Variants in TRNT1 observed in about 807,000 individuals in gnomAD.
TRNT1 encodes CCA tRNA nucleotidyltransferase 1, mitochondrial.
TRNT1 carries 44 observed loss-of-function variants against 45.6 expected under a neutral mutation model. The observed-to-expected ratio is 0.97, with a 90% CI of 0.76 to 1.24. The LOEUF (loss-of-function observed/expected upper bound fraction) is 1.24. Among genes scored for constraint, TRNT1 ranks in the 50% most tolerant of loss-of-function variants. The pLI, the probability that TRNT1 is intolerant of heterozygous loss-of-function variation, is 0.00. For missense variants in TRNT1, 633 were observed against 504.4 expected (o/e 1.25, Z -2.44); for synonymous variants, 201 against 171.4 (o/e 1.17, Z -1.35).
Position 3,147,930 on chromosome 3 carries a change from C to T in TRNT1, c.1081C>T (p.Arg361Cys), listed in dbSNP as rs770721227. 28 of 1,613,354 alleles carry T rather than the reference C, an allele frequency of 1.7e-5. No homozygotes were observed. In the Admixed American group the frequency reaches 2.0e-4, roughly 12 times the overall value. Reference sequence around the variant, plus strand: ...GTCTAGGGAACCTGATGCAACTACTCGTGTATGTGAACTACTGAAGTACCA... The same window carrying T: ...GTCTAGGGAACCTGATGCAACTACTTGTGTATGTGAACTACTGAAGTACCA... Reference protein sequence around the residue: ...IDSREPDATTRVCELLKYQGE... With the variant: ...IDSREPDATTCVCELLKYQGE... The change falls in exon 8 of 8, where the codon CGT (arginine) becomes TGT (cysteine). Residue 361 changes from arginine (R) to cysteine (C), a missense_variant. By Grantham distance (180) the Arg-to-Cys change is radical. Coordinates refer to ENST00000251607, the MANE Select transcript of TRNT1 (RefSeq NM_182916.3).
intron 7 of TRNT1, 88 bp from the exon 8 acceptor site, chr3:3,147,817 AT>A: frequency 6.6e-7 from 1 of 1,524,240 alleles, no homozygotes; most frequent in Non-Finnish European, 8.8e-7. Context: ...AAATGAAAAA[AT>A]TTATGTTGAG....
intron 4 of TRNT1, among the ~76,000 whole-genome samples, chr3:3,143,731 A>T (rs958345297): frequency 2.0e-5 from 3 of 152,154 alleles, no homozygotes; most frequent in East Asian, 3.9e-4. Context: ...TACAAAAATT[A>T]GCTGTGTGTA....
intron 4 of TRNT1, among the ~76,000 whole-genome samples, chr3:3,143,562 C>G (rs1705794498): frequency 6.6e-6 from 1 of 152,170 alleles, no homozygotes; most frequent in Admixed American, 6.5e-5. Context: ...CGTTGCCGAT[C>G]TGAAAGACGC....
chr3:3,140,664 A>G lies in TRNT1; in HGVS notation c.481+16A>G, dbSNP rs1705593407. ...ATGTTTTTAGGTAATATTTGCAGATAAAACCATATTGTGAGTCTATCAGAA... is the reference window on the plus strand; with the variant it reads ...ATGTTTTTAGGTAATATTTGCAGATGAAACCATATTGTGAGTCTATCAGAA... On this transcript the variant is annotated intron_variant, in intron 4 of 7. Coordinates refer to ENST00000251607, the MANE Select transcript of TRNT1 (RefSeq NM_182916.3). The G allele has an allele frequency of 1.9e-6, 3 of 1,612,850 alleles. No individual in the cohort carries two copies. The South Asian group carries it at 3.3e-5, about 18-fold the overall frequency.
chr3:3,129,366 C>G, intron 2 of TRNT1, 178 bp downstream of exon 2: 5 of 567,554 alleles, frequency 8.8e-6, no homozygotes, highest in Non-Finnish European at 1.5e-5. Flanking sequence ...CCTGGGCTCA[C>G]TCCTTGGCCT....
chr3:3,142,771 C>T (rs1360146463), intron 4 of TRNT1, among the ~76,000 whole-genome samples: 1 of 152,160 alleles, frequency 6.6e-6, no homozygotes, highest in Non-Finnish European at 1.5e-5. Context: ...TTACAAGTCT[C>T]TTCATTAGGA....
chr3:3,148,061 T>G lies in TRNT1; in HGVS notation c.1212T>G (p.Ile404Met). 1 of 1,613,862 alleles carries G rather than the reference T, an allele frequency of 6.2e-7. No individual in the cohort carries two copies. Among genetic ancestry groups the G allele is most frequent in the Non-Finnish European group, 8.5e-7 (1 of 1,179,814 alleles). The change falls in exon 8 of 8, where the codon ATT becomes ATG. Residue 404 changes from isoleucine to methionine, a missense_variant. Transcript: ENST00000251607. ...TGGGCATTTCTTCAGGAAAAGAAATTGGGGCTCTATTACAACAGTTGCGAG... is the reference window on the plus strand; with the variant it reads ...TGGGCATTTCTTCAGGAAAAGAAATGGGGGCTCTATTACAACAGTTGCGAG... ...RKVGISSGKE[I>M]GALLQQLREQ... is the part of the protein sequence containing the mutation.
At position 3,148,352 on chromosome 3, in the gene TRNT1, C is replaced by T. The variant is rs1706208076; in HGVS notation, c.*198C>T. 1.9e-6 allele frequency: 1 copy of T among 530,988 alleles called. No individual in the cohort carries two copies. The highest frequency in any genetic ancestry group is 3.3e-6 in the Non-Finnish European group (1 of 305,658). The allele number at this position is 530,988 out of a possible 1,614,324, so 32.9% of individuals were successfully genotyped here. A position where few individuals can be genotyped will look rare whatever the true frequency, so the allele number is the denominator to read the frequency against. On this transcript the variant is annotated 3_prime_UTR_variant, in exon 8 of 8. Coordinates refer to ENST00000251607, the MANE Select transcript of TRNT1 (RefSeq NM_182916.3). Reference sequence around the variant, plus strand: ...ACCTTTCTGGATCTGATTTATATCACTGAAATGTACAGTTCTTTTGGAATA... The same window carrying T: ...ACCTTTCTGGATCTGATTTATATCATTGAAATGTACAGTTCTTTTGGAATA...
At chr3:3,151,117 T>G, downstream of TRNT1, 2 of 1,524,888 alleles carry the variant, frequency 1.3e-6, no homozygotes, top group Non-Finnish European at 1.8e-6. Context: ...AAACCTATCA[T>G]GAAGACAGAC....
At chr3:3,150,383 A>G (rs1374208786), downstream of TRNT1, 1 of 152,614 alleles carries the variant, frequency 6.6e-6, no homozygotes, top group Non-Finnish European at 1.5e-5. Flanking sequence ...ATTAATATAC[A>G]TTGCCTTGCT....
Position 3,132,739 on chromosome 3 carries a change from A to AAC in TRNT1, c.148+3552_148+3553insCA, listed in dbSNP as rs1173029568. ...ACATATACCTATTGAAGGAAAAAAA[A>AAC]AAAAACACAAAAAAAAAACACTGGA... On this transcript the variant is annotated intron_variant, in intron 2 of 7. Transcript: ENST00000251607. 3.6e-4 allele frequency among the ~76,000 whole-genome samples: 48 copies of AAC among 133,770 alleles called. 2 individuals carry two copies. Among genetic ancestry groups the AAC allele is most frequent in the African/African-American group, 1.2e-3 (47 of 38,188 alleles). The allele number at this position is 133,770 out of a possible 152,430, so 87.8% of individuals were successfully genotyped here.
At chr3:3,127,637 T>A (rs916211982) in intron 1 of TRNT1, 3 of 152,240 alleles carry the variant, frequency 2.0e-5, no homozygotes, top group African/African-American at 7.2e-5. Context: ...GAAAATACAA[T>A]GTCTAGGAGC....
intron 6 of TRNT1, 111 bp from the exon 7 acceptor site, chr3:3,147,339 T>G: frequency 8.2e-7 from 1 of 1,216,722 alleles, no homozygotes; most frequent in Admixed American, 2.2e-5. Context: ...ACCTATATAA[T>G]GTATCCTAGT....
intron 2 of TRNT1, chr3:3,129,989 A>G: frequency 1.3e-6 from 2 of 1,549,506 alleles, no homozygotes; most frequent in Non-Finnish European, 1.7e-6. Context: ...ACGTTGCAAA[A>G]CCTGTCTGGA....
chr3:3,153,132 A>G (rs1046699081), downstream of TRNT1: 1 of 365,026 alleles, frequency 2.7e-6, no homozygotes, highest in African/African-American at 2.1e-5. Context: ...GTTAGGGCCT[A>G]ATTGAAGACA....
intron 2 of TRNT1, among the ~76,000 whole-genome samples, chr3:3,131,015 G>T (rs1416696223): frequency 1.3e-5 from 2 of 152,022 alleles, no homozygotes; most frequent in African/African-American, 2.4e-5. Flanking sequence ...CTGGGAGGGG[G>T]GCTTGCGGTA....
Position 3,147,828 on chromosome 3 carries a change from G to A in TRNT1, c.1057-78G>A, listed in dbSNP as rs114827442. On this transcript the variant is annotated intron_variant, in intron 7 of 7. Coordinates refer to ENST00000251607, the MANE Select transcript of TRNT1 (RefSeq NM_182916.3). ...TTTTAAATGAAAAAATTTATGTTGA[G>A]TATTTAAATTTTAGGATAAGATTGT... 1.6e-3 allele frequency: 2,402 copies of A among 1,530,010 alleles called. 36 individuals are homozygous for A. The African/African-American group carries it at 0.03, about 19-fold the overall frequency. The allele number at this position is 1,530,010 out of a possible 1,614,324, so 94.8% of individuals were successfully genotyped here. A position where few individuals can be genotyped will look rare whatever the true frequency, so the allele number is the denominator to read the frequency against.
chr3:3,136,503 G>C (rs1022997922), intron 2 of TRNT1, among the ~76,000 whole-genome samples: 1 of 152,092 alleles, frequency 6.6e-6, no homozygotes, highest in Non-Finnish European at 1.5e-5. Flanking sequence ...ATCATAAGTG[G>C]TATAGACTAA....
downstream of TRNT1, chr3:3,150,742 A>ATGTT: frequency 1.1e-6 from 1 of 948,364 alleles, no homozygotes. Context: ...CCTCCAAGTA[A>ATGTT]TGTTATGTTT....
Sources: gnomAD v4.1 joint callset for allele counts (sites outside exome capture counted in the v4.1 genomes callset) on GRCh38, gnomAD v4.1.1 for gene constraint, MANE v1.5 for transcripts, NCBI Gene and HGNC (gene_info 2026-07-23, HGNC 2026-07-21) for gene names.